The following SLC8A3 variants were observed in gnomAD, a reference collection of about 807,000 sequenced individuals.
SLC8A3 encodes the protein sodium/calcium exchanger 3.
SLC8A3 carries 37 observed loss-of-function variants against 65.4 expected under a neutral mutation model. The ratio of observed to expected loss-of-function variants is 0.57; its 90% confidence interval spans 0.44 to 0.74. The LOEUF is 0.74. Ranked by LOEUF, SLC8A3 falls within the 30% of genes least tolerant of loss-of-function variation. SLC8A3 has a pLI of 0.00. For synonymous variants in SLC8A3, 461 were observed against 444.5 expected, an observed-to-expected ratio of 1.04 and a Z score of -0.47; for missense variants, 1,112 against 1,172.1, an observed-to-expected ratio of 0.95 and a Z score of 0.75.
chr14:70,132,888 G>T (rs1894941667), intron 2 of SLC8A3, among the ~76,000 whole-genome samples: 1 of 152,016 alleles, frequency 6.6e-6, no homozygotes, highest in Non-Finnish European at 1.5e-5. Context: ...TCTGTTTTTG[G>T]GGGGCCAGCC....
Position 70,094,839 on chromosome 14 carries a change from C to T in SLC8A3, c.1785-33900G>A, listed in dbSNP as rs574443270. ...TTATGTTTTCAAAGCACTTTCTCTT[C>T]TTTTATCTGTTTTTCCTCATACAGT... On this transcript the variant is annotated intron_variant, in intron 2 of 6. Coordinates refer to ENST00000356921, the MANE Select transcript of SLC8A3 (RefSeq NM_182932.3). Among the ~76,000 whole-genome samples the T allele has an allele frequency of 2.0e-5, 3 of 152,342 alleles. No individual in the cohort carries two copies. The East Asian group carries it at 5.8e-4, about 29-fold the overall frequency.
At chr14:70,098,191 G>A (rs1892314373) in intron 2 of SLC8A3, among the ~76,000 whole-genome samples, 1 of 152,154 alleles carries the variant, frequency 6.6e-6, no homozygotes, top group African/African-American at 2.4e-5. Context: ...GCTTCCAGTG[G>A]GAAGAGCTAA....
At chr14:70,184,250 C>T (rs962139073) in intron 1 of SLC8A3, among the ~76,000 whole-genome samples, 7 of 152,136 alleles carry the variant, frequency 4.6e-5, no homozygotes, top group African/African-American at 1.7e-4. Flanking sequence ...CCTCTCTCTC[C>T]CACTTTCCAG....
chr14:70,138,193 A>G (rs1163524236), intron 2 of SLC8A3, among the ~76,000 whole-genome samples: 1 of 152,172 alleles, frequency 6.6e-6, no homozygotes, highest in Admixed American at 6.5e-5. Flanking sequence ...CAGCAGCCCT[A>G]GGATGGGAGG....
At chr14:70,170,212 G>A (rs562025043) in intron 1 of SLC8A3, among the ~76,000 whole-genome samples, 72 of 152,216 alleles carry the variant, frequency 4.7e-4, no homozygotes, top group Non-Finnish European at 8.8e-4. Context: ...GACCTTCAAA[G>A]CCTTGCAGGA....
intron 2 of SLC8A3, among the ~76,000 whole-genome samples, chr14:70,162,038 G>A (rs564213473): frequency 1.4e-5 from 2 of 145,136 alleles, no homozygotes; most frequent in Non-Finnish European, 3.1e-5. Context: ...AAAAATTTCC[G>A]TGGGCTATTT....
rs1161841861 is a variant in SLC8A3, at chr14:70,058,113, T to A, written c.1888+2723A>T. Reference sequence around the variant, plus strand: ...TCTCAACTCTGAAGTCTGTTTTGTTTGCCAAAAATAGAGTCTCCTATTTCA... The same window carrying A: ...TCTCAACTCTGAAGTCTGTTTTGTTAGCCAAAAATAGAGTCTCCTATTTCA... On this transcript the variant is annotated intron_variant, in intron 3 of 6. Transcript: ENST00000356921. Among the ~76,000 whole-genome samples, 4 of 152,210 alleles carry A rather than the reference T, an allele frequency of 2.6e-5. No homozygotes were observed. The East Asian group carries it at 7.7e-4, about 29-fold the overall frequency.
At chr14:70,159,241 T>C (rs1896744162) in intron 2 of SLC8A3, among the ~76,000 whole-genome samples, 1 of 151,998 alleles carries the variant, frequency 6.6e-6, no homozygotes, top group South Asian at 2.1e-4. Context: ...AAACCCCGTC[T>C]CTACTAAAAA....
chr14:70,082,452 A>G (rs1891117644), intron 2 of SLC8A3, among the ~76,000 whole-genome samples: 1 of 152,204 alleles, frequency 6.6e-6, no homozygotes, highest in African/African-American at 2.4e-5. Context: ...ACAAAATCTT[A>G]TTAAATCAAC....
At chr14:70,134,321 G>T (rs562182897) in intron 2 of SLC8A3, among the ~76,000 whole-genome samples, 1 of 152,250 alleles carries the variant, frequency 6.6e-6, no homozygotes, top group South Asian at 2.1e-4. Flanking sequence ...TTTTTACTTA[G>T]TATTTTTCAG....
intron 2 of SLC8A3, among the ~76,000 whole-genome samples, chr14:70,150,111 G>A (rs1051255301): frequency 6.6e-6 from 1 of 152,172 alleles, no homozygotes; most frequent in African/African-American, 2.4e-5. Context: ...TAGGTCAAAT[G>A]GCTGTGACAT....
chr14:70,186,755 C>T (rs1883258557), intron 1 of SLC8A3, among the ~76,000 whole-genome samples: 1 of 152,170 alleles, frequency 6.6e-6, no homozygotes, highest in African/African-American at 2.4e-5. Context: ...CAGCCATCCT[C>T]CTTTGGAGAC....
intron 2 of SLC8A3, among the ~76,000 whole-genome samples, chr14:70,102,939 C>G (rs1190250331): frequency 2.6e-5 from 4 of 151,682 alleles, no homozygotes; most frequent in Non-Finnish European, 4.4e-5. Context: ...AAAAAGCTCA[C>G]AGAAGTTAGA....
intron 2 of SLC8A3, among the ~76,000 whole-genome samples, chr14:70,127,031 T>A (rs1894505764): frequency 6.6e-6 from 1 of 152,176 alleles, no homozygotes; most frequent in Non-Finnish European, 1.5e-5. Context: ...CTAGAATTCC[T>A]CCTAATTGTT....
At chr14:70,124,428 C>T (rs889318456) in intron 2 of SLC8A3, among the ~76,000 whole-genome samples, 4 of 152,262 alleles carry the variant, frequency 2.6e-5, no homozygotes, top group Non-Finnish European at 5.9e-5. Context: ...CACTGCTTCT[C>T]ACATTGTCCC....
Position 70,048,803 on chromosome 14 carries a change from C to A in SLC8A3, c.2353G>T (p.Ala785Ser), listed in dbSNP as rs752235087. 9.9e-6 allele frequency: 16 copies of A among 1,614,126 alleles called. No homozygotes were observed. The highest frequency in any genetic ancestry group is 1.4e-5 in the Non-Finnish European group (16 of 1,179,998). The change falls in exon 6 of 7, where the codon GCT (alanine) becomes TCT (serine). Residue 785 changes from alanine to serine, a missense_variant. By Grantham distance (99) the Ala-to-Ser change is moderately conservative. Transcript: ENST00000356921. ...GTGCCAAATGCCACGAAAACAACAG[C>A]TGTGACTGAATCTTTGAGACCAATG... ...CTIGLKDSVT[A>S]VVFVAFGTSV...
chr14:70,080,191 G>A, intron 2 of SLC8A3: 25 of 985,162 alleles, frequency 2.5e-5, no homozygotes, highest in Non-Finnish European at 2.9e-5. Context: ...GCTCCATGCT[G>A]GAAGAGTTGA....
chr14:70,078,446 T>C (rs1890734741), intron 2 of SLC8A3, among the ~76,000 whole-genome samples: 1 of 152,222 alleles, frequency 6.6e-6, no homozygotes, highest in African/African-American at 2.4e-5. Flanking sequence ...ACACATTATA[T>C]TATCTGATTC....
chr14:70,144,537 G>A (rs1377423473), intron 2 of SLC8A3, among the ~76,000 whole-genome samples: 2 of 151,496 alleles, frequency 1.3e-5, no homozygotes, highest in Non-Finnish European at 2.9e-5. Flanking sequence ...GGCCGAGGCA[G>A]GAGAATCGCT....
Sources: gnomAD v4.1 joint callset for allele counts (sites outside exome capture counted in the v4.1 genomes callset) on GRCh38, gnomAD v4.1.1 for gene constraint, MANE v1.5 for transcripts, NCBI Gene and HGNC (gene_info 2026-07-23, HGNC 2026-07-21) for gene names.